The following IL1RAPL1 variants were observed in gnomAD, a reference collection of about 807,000 sequenced individuals.
IL1RAPL1 encodes the protein interleukin 1 receptor accessory protein like 1, also known as interleukin-1 receptor accessory protein-like 1.
In IL1RAPL1, 3 loss-of-function variants were observed where a neutral mutation model predicts 48.4. The ratio of observed to expected loss-of-function variants is 0.06; its 90% confidence interval spans 0.03 to 0.16. The LOEUF is 0.16. IL1RAPL1 is among the 10% of genes least tolerant of loss of function. The pLI is 1.00. For synonymous variants in IL1RAPL1, 185 were observed against 187.7 expected (o/e 0.99, Z 0.12); for missense variants, 349 against 530.6 (o/e 0.66, Z 3.36).
intron 2 of IL1RAPL1, among the ~76,000 whole-genome samples, chrX:29,088,679 A>G (rs1372054409): frequency 9.3e-6 from 1 of 107,714 alleles, no homozygotes; most frequent in East Asian, 2.9e-4. Flanking sequence ...TCTCAAAAAA[A>G]AAAAAAAAAA....
At chrX:29,779,841 T>C (rs1248374394) in intron 6 of IL1RAPL1, among the ~76,000 whole-genome samples, 1 of 111,511 alleles carries the variant, frequency 9.0e-6, no homozygotes, top group Non-Finnish European at 1.9e-5. Context: ...TTATAATTTA[T>C]CTTCATTAGC....
intron 2 of IL1RAPL1, among the ~76,000 whole-genome samples, chrX:29,040,755 G>T (rs1419091301): frequency 8.9e-6 from 1 of 112,000 alleles, no homozygotes; most frequent in Non-Finnish European, 1.9e-5. Context: ...CAGGAAGTGG[G>T]TCGGCTCCTA....
intron 2 of IL1RAPL1, among the ~76,000 whole-genome samples, chrX:28,989,690 C>G (rs1449586970): frequency 2.7e-5 from 3 of 112,150 alleles, no homozygotes; most frequent in Non-Finnish European, 3.8e-5. Context: ...CAACTAACAT[C>G]ACTTCTTTCT....
At chrX:28,830,669 T>C (rs779238291) in intron 2 of IL1RAPL1, among the ~76,000 whole-genome samples, 11 of 111,336 alleles carry the variant, frequency 9.9e-5, no homozygotes, top group Non-Finnish European at 1.5e-4. Context: ...ACAGTTATTA[T>C]TGATGGCCTT....
chrX:29,542,905 AT>A (rs1921487086), intron 5 of IL1RAPL1, among the ~76,000 whole-genome samples: 1 of 111,843 alleles, frequency 8.9e-6, no homozygotes, highest in Non-Finnish European at 1.9e-5. Context: ...CTTGATTTGA[AT>A]GACTAAAACT....
At chrX:29,261,294 A>G (rs1446758965) in intron 2 of IL1RAPL1, among the ~76,000 whole-genome samples, 1 of 111,354 alleles carries the variant, frequency 9.0e-6, no homozygotes, top group East Asian at 2.8e-4. Context: ...AATGTCTTCA[A>G]TGTTATCTGA....
chrX:29,493,301 A>G (rs1935178406), intron 5 of IL1RAPL1, among the ~76,000 whole-genome samples: 1 of 112,216 alleles, frequency 8.9e-6, no homozygotes, highest in East Asian at 2.8e-4. Context: ...TTTTGGGGAT[A>G]CCACAGATAC....
At chrX:28,731,605 C>T (rs1935755986) in intron 1 of IL1RAPL1, among the ~76,000 whole-genome samples, 1 of 111,298 alleles carries the variant, frequency 9.0e-6, no homozygotes, top group Non-Finnish European at 1.9e-5. Flanking sequence ...TTTATCAGTG[C>T]GTGAAAGGTC....
Position 29,281,029 on chromosome X carries a change from A to T in IL1RAPL1, c.83-1909A>T, listed in dbSNP as rs191357502. ...TAGATGTTAGATATAATTTTAAGAT[A>T]ATAAATGTGGATAATTAATTCCACG... On this transcript the variant is annotated intron_variant, in intron 2 of 10. Coordinates refer to ENST00000378993, the MANE Select transcript of IL1RAPL1 (RefSeq NM_014271.4). 1.9e-3 allele frequency among the ~76,000 whole-genome samples: 218 copies of T among 112,098 alleles called. 1 individual carries two copies. The highest frequency in any genetic ancestry group is 2.8e-3 in the Non-Finnish European group (151 of 53,196).
intron 1 of IL1RAPL1, among the ~76,000 whole-genome samples, chrX:28,589,670 C>A (rs1011214855): frequency 9.0e-6 from 1 of 111,298 alleles, no homozygotes; most frequent in Non-Finnish European, 1.9e-5. Context: ...TGACTGTGAA[C>A]GGAATGAATA....
At chrX:29,279,085 T>C (rs1027285187) in intron 2 of IL1RAPL1, among the ~76,000 whole-genome samples, 1 of 112,331 alleles carries the variant, frequency 8.9e-6, no homozygotes, top group African/African-American at 3.2e-5. Flanking sequence ...ACTTCTTTCA[T>C]TTAGTAAAAT....
At chrX:28,632,683 A>G (rs1368882409) in intron 1 of IL1RAPL1, among the ~76,000 whole-genome samples, 2 of 111,569 alleles carry the variant, frequency 1.8e-5, no homozygotes, top group Non-Finnish European at 3.8e-5. Context: ...AAGACCTCCC[A>G]TTACAAATTA....
At chrX:29,524,975 C>T (rs1935538829) in intron 5 of IL1RAPL1, among the ~76,000 whole-genome samples, 1 of 112,156 alleles carries the variant, frequency 8.9e-6, no homozygotes. Flanking sequence ...AAGTGTTTCA[C>T]CTTTGGCTAC....
Position 29,304,948 on chromosome X carries a change from T to C in IL1RAPL1, c.362+21731T>C, listed in dbSNP as rs190292089. Among the ~76,000 whole-genome samples, 186 of 111,920 alleles carry C rather than the reference T, an allele frequency of 1.7e-3. 1 individual carries two copies. The highest frequency in any genetic ancestry group is 5.7e-3 in the African/African-American group (177 of 30,838). ...TTATGCATTCAACTATTCTTCCCTC[T>C]ACCCATTATTTAATATAAGAAGTAC... On this transcript the variant is annotated intron_variant, in intron 3 of 10. Coordinates refer to ENST00000378993, the MANE Select transcript of IL1RAPL1 (RefSeq NM_014271.4).
intron 1 of IL1RAPL1, among the ~76,000 whole-genome samples, chrX:28,717,418 AT>A (rs1569157290): frequency 9.0e-6 from 1 of 111,052 alleles, no homozygotes; most frequent in Non-Finnish European, 1.9e-5. Flanking sequence ...AATACCACAT[AT>A]TTTCTTTTAG....
Position 29,852,660 on chromosome X carries a change from T to C in IL1RAPL1, c.779-64804T>C, listed in dbSNP as rs138561669. On this transcript the variant is annotated intron_variant, in intron 6 of 10. Coordinates refer to ENST00000378993, the MANE Select transcript of IL1RAPL1 (RefSeq NM_014271.4). ...CCTTAAACTCATCAGCAACTATCTA[T>C]ATAAACCATTTTTTTATAGTCAGTT... Among the ~76,000 whole-genome samples, 203 of 112,044 alleles carry C rather than the reference T, an allele frequency of 1.8e-3. 1 individual carries two copies. Among genetic ancestry groups the C allele is most frequent in the African/African-American group, 6.1e-3 (189 of 30,748 alleles).
intron 6 of IL1RAPL1, among the ~76,000 whole-genome samples, chrX:29,897,521 A>AAACTT (rs1163260560): frequency 2.7e-5 from 3 of 112,013 alleles, no homozygotes; most frequent in East Asian, 2.8e-4. Flanking sequence ...TAAACCAGTA[A>AAACTT]AACTTATCCA....
intron 2 of IL1RAPL1, among the ~76,000 whole-genome samples, chrX:29,058,269 C>T (rs1602035108): frequency 9.1e-6 from 1 of 110,287 alleles, no homozygotes; most frequent in South Asian, 3.9e-4. Flanking sequence ...CCCAGCTACT[C>T]GGGAGGCTAT....
rs1405590488 is a variant in IL1RAPL1, at chrX:28,879,869, G to T, written c.82+90444G>T. On this transcript the variant is annotated intron_variant, in intron 2 of 10. Transcript: ENST00000378993. ...TATGTATTTTGTGTTCTGAAATATA[G>T]AGATTGAATGAGAGACAGGAATGAA... Among the ~76,000 whole-genome samples the T allele has an allele frequency of 3.7e-4, 41 of 111,761 alleles. 3 individuals carry two copies. Among genetic ancestry groups the T allele is most frequent in the Non-Finnish European group, 1.9e-5 (1 of 53,118 alleles).
Sources: gnomAD v4.1 joint callset for allele counts (sites outside exome capture counted in the v4.1 genomes callset) on GRCh38, gnomAD v4.1.1 for gene constraint, MANE v1.5 for transcripts, NCBI Gene and HGNC (gene_info 2026-07-23, HGNC 2026-07-21) for gene names.